PPP1R26: variants seen among roughly 807,000 people sequenced by gnomAD.
PPP1R26 encodes the protein protein phosphatase 1 regulatory subunit 26.
In PPP1R26, 22 loss-of-function variants were observed where a neutral mutation model predicts 67.6. The observed-to-expected ratio is 0.33, with a 90% CI of 0.23 to 0.46. The LOEUF is 0.46. PPP1R26 is among the 20% of genes least tolerant of loss of function. The pLI, the probability that PPP1R26 is intolerant of heterozygous loss-of-function variation, is 1.00. For missense variants in PPP1R26, 1,602 were observed against 1,651.4 expected (o/e 0.97, Z 0.52); for synonymous variants, 729 against 717.2 (o/e 1.02, Z -0.26).
intron 1 of PPP1R26, among the ~76,000 whole-genome samples, chr9:135,481,899 G>A (rs777288145): frequency 2.2e-4 from 34 of 152,190 alleles, no homozygotes; most frequent in African/African-American, 6.3e-4. Context: ...GATTACAGGC[G>A]TCAGCCACTG....
chr9:135,485,874 C>T lies in PPP1R26; in HGVS notation c.1364C>T (p.Ala455Val), dbSNP rs1830706705. Residue 455 changes from alanine to valine, a missense_variant, in exon 4 of 4, where the codon GCT (alanine) becomes GTT (valine). Transcript: ENST00000356818. This position sits in a 1 kb window ranked among gnomAD's most constrained non-coding sequence, Gnocchi z 7.2. The stretch of plus-strand genomic sequence containing the variant: ...CCCAAGCTCCTGAAGGAAACCAAAG[C>T]TCCACCTCCAGCGAGCCCTGCTTCC... ...HAPKLLKETKAPPPASPASRS... is the reference protein window; with the variant it reads ...HAPKLLKETKVPPPASPASRS... 2 of 1,613,516 alleles carry T rather than the reference C, an allele frequency of 1.2e-6. No individual in the cohort carries two copies. The highest frequency in any genetic ancestry group is 4.5e-5 in the East Asian group (2 of 44,860).
rs1389944973 is a variant in PPP1R26 at position 135,486,437 on chromosome 9, G to A, written c.1927G>A (p.Ala643Thr). 6.2e-7 allele frequency: 1 copy of A among 1,613,080 alleles called. No homozygotes were observed. Among genetic ancestry groups the A allele is most frequent in the Non-Finnish European group, 8.5e-7 (1 of 1,179,908 alleles). The change falls in exon 4 of 4, where the codon GCC (alanine) becomes ACC (threonine). Residue 643 changes from alanine to threonine, a missense_variant. Transcript: ENST00000356818. This position sits in a 1 kb window ranked among gnomAD's most constrained non-coding sequence, Gnocchi z 6.2. Reference sequence around the variant, plus strand: ...GCGAGACCTGCCCATCCAGGGCAAAGCCAGTGAGGCCCTGGGAGGGGAGGG... The same window carrying A: ...GCGAGACCTGCCCATCCAGGGCAAAACCAGTGAGGCCCTGGGAGGGGAGGG... Reference protein sequence around the residue: ...ERRDLPIQGKASEALGGEGTA... With the variant: ...ERRDLPIQGKTSEALGGEGTA...
chr9:135,487,756 G>C lies in PPP1R26; in HGVS notation c.3246G>C (p.Leu1082=). 2 of 1,485,414 alleles carry C rather than the reference G, an allele frequency of 1.3e-6. No individual in the cohort carries two copies. Among genetic ancestry groups the C allele is most frequent in the South Asian group, 1.4e-5 (1 of 72,712 alleles). The allele number at this position is 1,485,414 out of a possible 1,614,324, so 92.0% of individuals were successfully genotyped here. ...SLPLAGFSPL[L]STQLFHFGKG... ...CCCTTGCGGGCTTCTCGCCGCTGCT[G>C]TCCACCCAGCTCTTCCACTTTGGAA... is the stretch of plus-strand genomic sequence containing the variant. Residue 1082 remains leucine, a synonymous_variant, in exon 4 of 4, where the codon CTG becomes CTC. Coordinates refer to ENST00000356818, the MANE Select transcript of PPP1R26 (RefSeq NM_014811.5).
chr9:135,481,004 G>T (rs561142864), intron 1 of PPP1R26, among the ~76,000 whole-genome samples: 184 of 152,236 alleles, frequency 1.2e-3, no homozygotes, highest in African/African-American at 4.4e-3. Context: ...GATGGCGAGG[G>T]CCCAGTGTGG....
At chr9:135,479,553 C>A (rs1830436468), upstream of PPP1R26, 1 of 146,186 alleles carries the variant, frequency 6.8e-6, no homozygotes, top group Non-Finnish European at 1.5e-5. This position sits in a 1 kb window ranked among gnomAD's most constrained non-coding sequence, Gnocchi z 5.9. Flanking sequence ...CCGAACCGGG[C>A]GGGGCGGGGC....
chr9:135,486,210 T>C lies in PPP1R26; in HGVS notation c.1700T>C (p.Leu567Ser), dbSNP rs768392484. The change falls in exon 4 of 4, where the codon TTG becomes TCG. Residue 567 changes from leucine (L) to serine (S), a missense_variant. Physicochemically the swap from Leu to Ser is moderately radical, Grantham distance 145 (BLOSUM62 -2). Transcript: ENST00000356818. This position sits in a 1 kb window ranked among gnomAD's most constrained non-coding sequence, Gnocchi z 6.2. Reference sequence around the variant, plus strand: ...CCGCAGGCTGCCCAGGGTCCACTTTTGCCGCCTGGCCTCAACAGCCAGACC... The same window carrying C: ...CCGCAGGCTGCCCAGGGTCCACTTTCGCCGCCTGGCCTCAACAGCCAGACC... Reference protein sequence around the residue: ...SCPQAAQGPLLPPGLNSQTGG... With the variant: ...SCPQAAQGPLSPPGLNSQTGG... The C allele has an allele frequency of 6.2e-6, 10 of 1,612,888 alleles. 1 individual carries two copies. The South Asian group carries it at 8.8e-5, about 14-fold the overall frequency.
chr9:135,485,072 C>G lies in PPP1R26; in HGVS notation c.562C>G (p.Pro188Ala). The change falls in exon 4 of 4, where the codon CCA becomes GCA. Residue 188 changes from proline (P) to alanine (A), a missense_variant. Physicochemically the swap from Pro to Ala is conservative, Grantham distance 27. This residue lies in a region of PPP1R26 where 680 missense variants were observed against 726.1 expected (regional missense o/e 0.94). Transcript: ENST00000356818. This position sits in a 1 kb window ranked among gnomAD's most constrained non-coding sequence, Gnocchi z 7.2. ...CAGTGCCCCGACTGCCCTGTGTCCC[C>G]CAAAACTTGTACCTGGATCAGGTGG... ...HGSAPTALCP[P>A]KLVPGSGGGP... 1 of 1,610,268 alleles carries G rather than the reference C, an allele frequency of 6.2e-7. No homozygotes were observed. The highest frequency in any genetic ancestry group is 8.5e-7 in the Non-Finnish European group (1 of 1,178,880).
Position 135,487,688 on chromosome 9 carries a change from GAC to G in PPP1R26, c.3180_3181del (p.Asp1060GlufsTer97). On this transcript the variant is annotated frameshift_variant, in exon 4 of 4. Coordinates refer to ENST00000356818, the MANE Select transcript of PPP1R26 (RefSeq NM_014811.5). LOFTEE classifies it high-confidence loss of function. ...VWRGGVGSER[D>X]KGSEGPARGL... ...GAGGGGGGGCGTCGGGAGCGAGAGA[GAC>G]AAGGGGTCCGAGGGCCCCGCCCGGG... The G allele has an allele frequency of 6.9e-7, 1 of 1,455,022 alleles. No individual in the cohort carries two copies. The highest frequency in any genetic ancestry group is 1.4e-5 in the South Asian group (1 of 69,218). 90.1% of individuals were successfully genotyped at this position (1,455,022 alleles called of 1,614,324 possible).
In PPP1R26 at chr9:135,487,394, A is replaced by G. The variant is rs2119318318; in HGVS notation, c.2884A>G (p.Lys962Glu). Residue 962 changes from lysine (K) to glutamate (E), a missense_variant, in exon 4 of 4, where the codon AAA (lysine) becomes GAA (glutamate). Physicochemically the swap from Lys to Glu is moderately conservative, Grantham distance 56. Transcript: ENST00000356818. The part of the protein sequence containing the change: ...SVSRRNVYVH[K>E]DQSPRGAEPA... ...GAGCAGGAGAAATGTTTACGTTCACAAAGACCAGAGCCCACGAGGGGCTGA... is the reference window on the plus strand; with the variant it reads ...GAGCAGGAGAAATGTTTACGTTCACGAAGACCAGAGCCCACGAGGGGCTGA... 6.3e-7 allele frequency: 1 copy of G among 1,576,160 alleles called. No individual in the cohort carries two copies. The highest frequency in any genetic ancestry group is 1.9e-5 in the Admixed American group (1 of 53,278).
In PPP1R26 at chr9:135,487,746, C is replaced by G. The variant is rs758478028; in HGVS notation, c.3236C>G (p.Ser1079Trp). The G allele has an allele frequency of 6.8e-7, 1 of 1,465,332 alleles. No individual in the cohort carries two copies. The highest frequency in any genetic ancestry group is 9.0e-7 in the Non-Finnish European group (1 of 1,109,078). The allele number at this position is 1,465,332 out of a possible 1,614,324, so 90.8% of individuals were successfully genotyped here. A position where few individuals can be genotyped will look rare whatever the true frequency, so the allele number is the denominator to read the frequency against. Residue 1079 changes from serine to tryptophan, a missense_variant, in exon 4 of 4, where the codon TCG (serine) becomes TGG (tryptophan). Around this residue, in one of 5 missense-constraint regions of PPP1R26, gnomAD observed 740 missense variants for 696.3 expected, o/e 1.06. Coordinates refer to ENST00000356818, the MANE Select transcript of PPP1R26 (RefSeq NM_014811.5). ...CCCAGCCTGCCCCTTGCGGGCTTCTCGCCGCTGCTGTCCACCCAGCTCTTC... is the reference window on the plus strand; with the variant it reads ...CCCAGCCTGCCCCTTGCGGGCTTCTGGCCGCTGCTGTCCACCCAGCTCTTC... Reference protein sequence around the residue: ...GLPSLPLAGFSPLLSTQLFHF... With the variant: ...GLPSLPLAGFWPLLSTQLFHF...
At position 135,486,429 on chromosome 9, in the gene PPP1R26, A is replaced by C; in HGVS notation, c.1919A>C (p.Gln640Pro). 1 of 1,613,158 alleles carries C rather than the reference A, an allele frequency of 6.2e-7. No homozygotes were observed. Among genetic ancestry groups the C allele is most frequent in the Non-Finnish European group, 8.5e-7 (1 of 1,179,858 alleles). Residue 640 changes from glutamine (Q) to proline (P), a missense_variant, in exon 4 of 4, where the codon CAG (glutamine) becomes CCG (proline). Transcript: ENST00000356818. The surrounding 1 kb of genome is among the most constrained non-coding windows in gnomAD (Gnocchi z 6.2). ...PGHERRDLPI[Q>P]GKASEALGGE... ...CATGAGAGGCGAGACCTGCCCATCC[A>C]GGGCAAAGCCAGTGAGGCCCTGGGA...
intron 1 of PPP1R26, chr9:135,480,443 C>T (rs546355517): frequency 4.6e-5 from 7 of 152,352 alleles, no homozygotes; most frequent in African/African-American, 1.7e-4. Flanking sequence ...GTCCTCGGAT[C>T]CCAGAAACAT....
At chr9:135,479,584 G>A (rs1422303751), upstream of PPP1R26, 2 of 145,936 alleles carry the variant, frequency 1.4e-5, no homozygotes, top group East Asian at 4.0e-4. This position sits in a 1 kb window ranked among gnomAD's most constrained non-coding sequence, Gnocchi z 5.9. Context: ...CCGGGGCGCG[G>A]GCGCGGCGGC....
In PPP1R26 at chr9:135,488,030, C is replaced by T. The variant is rs746358002; in HGVS notation, c.3520C>T (p.Arg1174Ter). 3 of 1,610,750 alleles carry T rather than the reference C, an allele frequency of 1.9e-6. No individual in the cohort carries two copies. The highest frequency in any genetic ancestry group is 2.2e-5 in the East Asian group (1 of 44,782). The change falls in exon 4 of 4, where the codon CGA becomes TGA. Residue 1174 changes from arginine to a stop codon, truncating the protein, a stop_gained. Coordinates refer to ENST00000356818, the MANE Select transcript of PPP1R26 (RefSeq NM_014811.5). LOFTEE classifies it high-confidence loss of function. ...EESILDLRYR[R>*]RVNRDDQEQD... is the part of the protein sequence containing the mutation. ...AAGCATTTTAGACCTGAGGTATCGACGAAGGGTCAACAGGGATGACCAGGA... is the reference window on the plus strand; with the variant it reads ...AAGCATTTTAGACCTGAGGTATCGATGAAGGGTCAACAGGGATGACCAGGA...
At chr9:135,480,105 G>C (rs2119219638) in intron 1 of PPP1R26, 83 bp downstream of exon 1, 1 of 149,760 alleles carries the variant, frequency 6.7e-6, no homozygotes, top group East Asian at 2.0e-4. Flanking sequence ...GCCAGGCCGG[G>C]GCCGGCGCGC....
chr9:135,481,556 G>T (rs918258361), intron 1 of PPP1R26, among the ~76,000 whole-genome samples: 1 of 151,120 alleles, frequency 6.6e-6, no homozygotes, highest in Non-Finnish European at 1.5e-5. Context: ...GGCTTTTCAA[G>T]AATGATTCAT....
chr9:135,480,060 G>C (rs1162975260), intron 1 of PPP1R26, 38 bp downstream of exon 1: 1 of 147,050 alleles, frequency 6.8e-6, no homozygotes, highest in Admixed American at 6.7e-5. Context: ...GGGCTCGGGG[G>C]CTGGGAAGCT....
Position 135,485,253 on chromosome 9 carries a change from C to T in PPP1R26, c.743C>T (p.Ser248Leu), listed in dbSNP as rs1236235900. Reference sequence around the variant, plus strand: ...CATGAGACCCAAAAATGTGATGGGTCAGTGGAGAAGAAACCAGACACAAAT... The same window carrying T: ...CATGAGACCCAAAAATGTGATGGGTTAGTGGAGAAGAAACCAGACACAAAT... Reference protein sequence around the residue: ...RQHETQKCDGSVEKKPDTNEN... With the variant: ...RQHETQKCDGLVEKKPDTNEN... Residue 248 changes from serine to leucine, a missense_variant, in exon 4 of 4, where the codon TCA becomes TTA. By Grantham distance (145) the Ser-to-Leu change is moderately radical. Around this residue, in one of 5 missense-constraint regions of PPP1R26, gnomAD observed 680 missense variants for 726.1 expected, o/e 0.94. Coordinates refer to ENST00000356818, the MANE Select transcript of PPP1R26 (RefSeq NM_014811.5). This position sits in a 1 kb window ranked among gnomAD's most constrained non-coding sequence, Gnocchi z 7.2. The T allele has an allele frequency of 6.2e-7, 1 of 1,612,948 alleles. No individual in the cohort carries two copies.
rs770650146 is a variant in PPP1R26 at position 135,485,654 on chromosome 9, A to C, written c.1144A>C (p.Lys382Gln). The change falls in exon 4 of 4, where the codon AAG (lysine) becomes CAG (glutamine). Residue 382 changes from lysine to glutamine, a missense_variant. By Grantham distance (53) the Lys-to-Gln change is moderately conservative (BLOSUM62 1). This residue lies in a region of PPP1R26 where 680 missense variants were observed against 726.1 expected (regional missense o/e 0.94). Transcript: ENST00000356818. The surrounding 1 kb of genome is among the most constrained non-coding windows in gnomAD (Gnocchi z 7.2). ...IQLYQLQKTRKEADGDLPQRV... is the reference protein window; with the variant it reads ...IQLYQLQKTRQEADGDLPQRV... ...GCTGTACCAGCTGCAGAAAACACGC[A>C]AGGAGGCCGACGGGGACCTGCCCCA... is the stretch of plus-strand genomic sequence containing the variant. 29 of 1,612,472 alleles carry C rather than the reference A, an allele frequency of 1.8e-5. 1 individual carries two copies. In the South Asian group the frequency reaches 3.0e-4, roughly 16 times the overall value.
Sources: gnomAD v4.1 joint callset for allele counts (sites outside exome capture counted in the v4.1 genomes callset) on GRCh38, gnomAD v4.1.1 for gene constraint, gnomAD v4.1.1 regional missense constraint, Gnocchi (gnomAD v3.1) non-coding constraint, MANE v1.5 for transcripts, NCBI Gene and HGNC (gene_info 2026-07-23, HGNC 2026-07-21) for gene names.